JMJD1C: variants seen among roughly 807,000 people sequenced by gnomAD.
JMJD1C encodes the protein jumonji domain-containing protein 1C.
In JMJD1C, 31 loss-of-function variants were observed where a neutral mutation model predicts 245.3. That is an observed-to-expected ratio of 0.13 (90% confidence interval 0.09 to 0.17). JMJD1C has a LOEUF of 0.17. Ranked by LOEUF, JMJD1C falls within the 10% of genes least tolerant of loss-of-function variation. JMJD1C has a pLI of 1.00. For synonymous variants in JMJD1C, 1,057 were observed against 1,017.4 expected, an observed-to-expected ratio of 1.04 and a Z score of -0.74; for missense variants, 2,691 against 3,000.2, an observed-to-expected ratio of 0.90 and a Z score of 2.41.
intron 3 of JMJD1C, among the ~76,000 whole-genome samples, chr10:63,251,085 A>C (rs1853003545): frequency 6.6e-6 from 1 of 152,148 alleles, no homozygotes; most frequent in South Asian, 2.1e-4. Flanking sequence ...TGCGTTTTTC[A>C]AGTCCACATA....
intron 2 of JMJD1C, among the ~76,000 whole-genome samples, chr10:63,377,790 G>A (rs1303418722): frequency 6.6e-6 from 1 of 151,830 alleles, no homozygotes; most frequent in Non-Finnish European, 1.5e-5. Flanking sequence ...TAGCTACTGG[G>A]GAGGCCAAGG....
At chr10:63,187,779 ATTCTC>A (rs1008112788) in intron 18 of JMJD1C, among the ~76,000 whole-genome samples, 3 of 152,194 alleles carry the variant, frequency 2.0e-5, no homozygotes, top group African/African-American at 7.2e-5. Flanking sequence ...CAATGGTATT[ATTCTC>A]TTCTAACTCA....
intron 2 of JMJD1C, among the ~76,000 whole-genome samples, chr10:63,276,640 T>C (rs1856802123): frequency 6.6e-6 from 1 of 152,078 alleles, no homozygotes; most frequent in Admixed American, 6.6e-5. Context: ...AGCTAATCTT[T>C]GTATTTTTAG....
rs781664751 is a variant in JMJD1C, at chr10:63,208,329, C to A, written c.3340G>T (p.Val1114Phe). 2 of 1,614,060 alleles carry A rather than the reference C, an allele frequency of 1.2e-6. No individual in the cohort carries two copies. Among genetic ancestry groups the A allele is most frequent in the Admixed American group, 3.3e-5 (2 of 60,008 alleles). ...TGTTTATCACCGTAAATATTTGAAA[C>A]TTCTTTGGATGGGTATGATCTTGGT... ...EPPRSYPSKEVSNIYGDKQSN... is the reference protein window; with the variant it reads ...EPPRSYPSKEFSNIYGDKQSN... Residue 1114 changes from valine (V) to phenylalanine (F), a missense_variant, in exon 10 of 26, where the codon GTT becomes TTT. Around this residue, in one of 9 missense-constraint regions of JMJD1C, gnomAD observed 1,562 missense variants for 1,490.7 expected, o/e 1.05. Transcript: ENST00000399262.
chr10:63,329,547 A>G (rs548743381), intron 2 of JMJD1C, among the ~76,000 whole-genome samples: 1 of 152,246 alleles, frequency 6.6e-6, no homozygotes, highest in Non-Finnish European at 1.5e-5. Flanking sequence ...ACTAAAAAAA[A>G]AAAAGAAAAA....
Position 63,420,284 on chromosome 10 carries a change from G to GT in JMJD1C, c.169-39803dup, listed in dbSNP as rs1267753555. On this transcript the variant is annotated intron_variant, in intron 1 of 25. Transcript: ENST00000399262. ...GCAGAATCAATAAACAACAAAATTT[G>GT]TAAGTATTTCTGTAAAACTAAATGC... Among the ~76,000 whole-genome samples, 3 of 152,220 alleles carry GT rather than the reference G, an allele frequency of 2.0e-5. No individual in the cohort carries two copies. In the East Asian group the frequency reaches 5.8e-4, roughly 29 times the overall value.
chr10:63,422,699 T>C (rs1211910417), intron 1 of JMJD1C, among the ~76,000 whole-genome samples: 3 of 152,218 alleles, frequency 2.0e-5, no homozygotes, highest in Non-Finnish European at 2.9e-5. Flanking sequence ...CTTCCTGAAT[T>C]TGATTACCAC....
chr10:63,504,119 AC>A (rs1251493589), intron 1 of JMJD1C, among the ~76,000 whole-genome samples: 1 of 152,164 alleles, frequency 6.6e-6, no homozygotes, highest in African/African-American at 2.4e-5. Flanking sequence ...AGTATAATAA[AC>A]CTAATGTATA....
chr10:63,349,156 C>A (rs1944121960), intron 2 of JMJD1C, among the ~76,000 whole-genome samples: 1 of 149,080 alleles, frequency 6.7e-6, no homozygotes, highest in Non-Finnish European at 1.5e-5. Flanking sequence ...GATGCCTGCC[C>A]TCCTTTGCCT....
intron 2 of JMJD1C, among the ~76,000 whole-genome samples, chr10:63,364,205 T>C (rs1945654862): frequency 1.3e-5 from 2 of 151,934 alleles, no homozygotes; most frequent in African/African-American, 4.8e-5. Flanking sequence ...GATGAGGACT[T>C]ACTATGTTGC....
intron 3 of JMJD1C, among the ~76,000 whole-genome samples, chr10:63,254,486 T>A (rs1341982913): frequency 2.0e-5 from 3 of 152,192 alleles, no homozygotes; most frequent in Non-Finnish European, 4.4e-5. Context: ...TCACACTGGA[T>A]GGCTCACAAA....
chr10:63,415,349 T>C (rs1949739900), intron 1 of JMJD1C, among the ~76,000 whole-genome samples: 1 of 152,266 alleles, frequency 6.6e-6, no homozygotes, highest in South Asian at 2.1e-4. Context: ...AGTACCAATA[T>C]GAAAGATTAA....
chr10:63,195,880 G>C (rs1455107143), intron 13 of JMJD1C, among the ~76,000 whole-genome samples: 2 of 152,142 alleles, frequency 1.3e-5, no homozygotes, highest in Admixed American at 6.5e-5. Context: ...AGTGAGCCGA[G>C]ATTGCGCCAC....
chr10:63,424,658 C>T (rs946444349), intron 1 of JMJD1C, among the ~76,000 whole-genome samples: 16 of 151,856 alleles, frequency 1.1e-4, no homozygotes, highest in Admixed American at 8.5e-4. Flanking sequence ...AGGTGTGAGC[C>T]ACCATGCTTG....
At chr10:63,323,772 G>A (rs1391508518) in intron 2 of JMJD1C, among the ~76,000 whole-genome samples, 3 of 152,074 alleles carry the variant, frequency 2.0e-5, no homozygotes, top group South Asian at 2.1e-4. Flanking sequence ...ACAAAAACAG[G>A]ACCAATAGAG....
chr10:63,505,262 A>T (rs1197906877), intron 1 of JMJD1C, among the ~76,000 whole-genome samples: 2 of 149,434 alleles, frequency 1.3e-5, no homozygotes, highest in African/African-American at 5.0e-5. Flanking sequence ...GCTTGAAGTG[A>T]GCCGAGATCG....
chr10:63,381,822 G>A (rs1306523050), intron 1 of JMJD1C, among the ~76,000 whole-genome samples: 1 of 152,140 alleles, frequency 6.6e-6, no homozygotes, highest in Non-Finnish European at 1.5e-5. Context: ...ACAGAGTGTT[G>A]ATCAGTAAAG....
intron 21 of JMJD1C, among the ~76,000 whole-genome samples, chr10:63,183,959 C>T (rs149948566): frequency 3.3e-5 from 5 of 152,270 alleles, no homozygotes; most frequent in African/African-American, 1.2e-4. Context: ...GAAGGAGTCT[C>T]GCTCTGTTGC....
rs1035807121 is a variant in JMJD1C at position 63,505,008 on chromosome 10, T to C, written n.113+16730A>G. Among the ~76,000 whole-genome samples the C allele has an allele frequency of 9.2e-5, 14 of 152,140 alleles. No individual in the cohort carries two copies. In the South Asian group the frequency reaches 2.9e-3, roughly 32 times the overall value. ...GCATGAGTGACACAGCAAGGTCTTA[T>C]CTCCATTTAAAAAAGCTTCCTCAGC... On this transcript the variant is annotated intron_variant and non_coding_transcript_variant, in intron 1 of 3. Transcript: ENST00000633035.
Sources: gnomAD v4.1 joint callset for allele counts (sites outside exome capture counted in the v4.1 genomes callset) on GRCh38, gnomAD v4.1.1 for gene constraint, gnomAD v4.1.1 regional missense constraint, MANE v1.5 for transcripts, NCBI Gene and HGNC (gene_info 2026-07-23, HGNC 2026-07-21) for gene names.